Variants in LRMDA observed in about 807,000 individuals in gnomAD.
The protein encoded by LRMDA is leucine rich melanocyte differentiation associated.
LRMDA carries 18 observed loss-of-function variants against 29.8 expected under a neutral mutation model. The observed-to-expected ratio is 0.60, with a 90% CI of 0.42 to 0.90. The LOEUF is 0.90. LRMDA is among the 40% of genes least tolerant of loss of function. LRMDA has a pLI of 0.00. For synonymous variants in LRMDA, 125 were observed against 109.4 expected (o/e 1.14, Z -0.89); for missense variants, 273 against 273.9 (o/e 1.00, Z 0.02).
chr10:76,415,624 G>A (rs10669188), intron 6 of LRMDA, among the ~76,000 whole-genome samples: 2 of 134,270 alleles, frequency 1.5e-5, no homozygotes, highest in Admixed American at 7.6e-5. Flanking sequence ...GTGTGTGTGC[G>A]TGTGTGTATA....
intron 2 of LRMDA, among the ~76,000 whole-genome samples, chr10:75,553,656 A>T (rs1021501528): frequency 1.3e-5 from 2 of 151,598 alleles, no homozygotes; most frequent in African/African-American, 4.9e-5. Context: ...AAGGTTTTCT[A>T]CCCCTTCACC....
At chr10:75,898,313 C>T (rs757640072) in intron 2 of LRMDA, among the ~76,000 whole-genome samples, 1 of 152,048 alleles carries the variant, frequency 6.6e-6, no homozygotes, top group Non-Finnish European at 1.5e-5. Context: ...GATTGAAGGA[C>T]CTGGTAAGGG....
At chr10:75,697,122 C>A (rs1842244343) in intron 2 of LRMDA, among the ~76,000 whole-genome samples, 1 of 152,098 alleles carries the variant, frequency 6.6e-6, no homozygotes, top group African/African-American at 2.4e-5. Context: ...AGCAGAGTCA[C>A]CTCAAGGAGG....
At chr10:75,577,337 A>AG (rs918046221) in intron 2 of LRMDA, among the ~76,000 whole-genome samples, 1 of 152,244 alleles carries the variant, frequency 6.6e-6, no homozygotes, top group Non-Finnish European at 1.5e-5. Flanking sequence ...ACAAGATTAG[A>AG]GAAAAAAAGA....
intron 2 of LRMDA, among the ~76,000 whole-genome samples, chr10:75,849,982 C>T (rs1320785829): frequency 6.6e-6 from 1 of 152,060 alleles, no homozygotes; most frequent in East Asian, 1.9e-4. Context: ...CTTGTGGTAG[C>T]ATATAAATTG....
intron 2 of LRMDA, among the ~76,000 whole-genome samples, chr10:75,445,511 G>A (rs1844382146): frequency 6.6e-6 from 1 of 152,162 alleles, no homozygotes; most frequent in Non-Finnish European, 1.5e-5. Flanking sequence ...ATTCTTCCTT[G>A]AGCTTGCTCA....
intron 2 of LRMDA, among the ~76,000 whole-genome samples, chr10:75,442,106 A>G (rs1199457551): frequency 2.6e-5 from 4 of 152,212 alleles, no homozygotes; most frequent in Non-Finnish European, 5.9e-5. Flanking sequence ...ATACTAACAT[A>G]TGATTTTTAA....
Position 76,036,030 on chromosome 10 carries a change from T to A in LRMDA, c.154T>A (p.Phe52Ile), listed in dbSNP as rs1425475161. 7 of 1,613,966 alleles carry A rather than the reference T, an allele frequency of 4.3e-6. No homozygotes were observed. The highest frequency in any genetic ancestry group is 5.9e-6 in the Non-Finnish European group (7 of 1,180,028). Residue 52 changes from phenylalanine (F) to isoleucine (I), a missense_variant, in exon 3 of 7, where the codon TTC (phenylalanine) becomes ATC (isoleucine). Phe to Ile is a conservative substitution (Grantham distance 21, BLOSUM62 0). Coordinates refer to ENST00000611255, the MANE Select transcript of LRMDA (RefSeq NM_001305581.2). ...CAGGTCACTGGAAGGACTGAGCGCA[T>A]TCAGGAGCCTGGAGGAACTCATCTT... ...LLRSLEGLSA[F>I]RSLEELILDN...
At chr10:75,510,554 G>A (rs1216276110) in intron 2 of LRMDA, among the ~76,000 whole-genome samples, 3 of 152,226 alleles carry the variant, frequency 2.0e-5, no homozygotes, top group African/African-American at 7.2e-5. Context: ...GCTTCTTGGG[G>A]GAAGAAATAT....
intron 6 of LRMDA, among the ~76,000 whole-genome samples, chr10:76,414,280 A>G (rs932484761): frequency 6.6e-6 from 1 of 152,232 alleles, no homozygotes; most frequent in Non-Finnish European, 1.5e-5. Flanking sequence ...TATTTATGAG[A>G]AAAATTACAT....
At chr10:76,011,923 G>T (rs1847789488) in intron 2 of LRMDA, among the ~76,000 whole-genome samples, 1 of 152,206 alleles carries the variant, frequency 6.6e-6, no homozygotes, top group African/African-American at 2.4e-5. Context: ...GGCAAGCCAT[G>T]CTGGATAGTG....
At chr10:76,376,378 T>G (rs764505557) in intron 6 of LRMDA, among the ~76,000 whole-genome samples, 5 of 152,052 alleles carry the variant, frequency 3.3e-5, no homozygotes, top group Admixed American at 6.6e-5. Flanking sequence ...ATATCATGCC[T>G]CTCTATCTAC....
chr10:75,521,451 A>G (rs1845356875), intron 2 of LRMDA, among the ~76,000 whole-genome samples: 2 of 152,224 alleles, frequency 1.3e-5, no homozygotes, highest in South Asian at 4.1e-4. Context: ...GCAGCCTCGC[A>G]GGTCGATCTC....
chr10:75,599,426 C>T (rs184787057), intron 2 of LRMDA, among the ~76,000 whole-genome samples: 35 of 152,280 alleles, frequency 2.3e-4, no homozygotes, highest in Admixed American at 2.1e-3. Flanking sequence ...ATCAAACAGC[C>T]GCCAAGCTGG....
chr10:76,145,618 T>C (rs969990622), intron 5 of LRMDA, among the ~76,000 whole-genome samples: 42 of 152,350 alleles, frequency 2.8e-4, no homozygotes, highest in African/African-American at 9.1e-4. Flanking sequence ...TCTATCAGTT[T>C]TGTTGATCTT....
At chr10:75,981,669 T>C (rs538112155) in intron 2 of LRMDA, among the ~76,000 whole-genome samples, 11 of 152,070 alleles carry the variant, frequency 7.2e-5, no homozygotes, top group Middle Eastern at 3.4e-3. Context: ...CTGGCCAACT[T>C]GGTGAAACCC....
intron 5 of LRMDA, among the ~76,000 whole-genome samples, chr10:76,322,085 T>A (rs1840778246): frequency 6.6e-6 from 1 of 152,228 alleles, no homozygotes; most frequent in Non-Finnish European, 1.5e-5. Flanking sequence ...ATTATTTAAA[T>A]TTTCTATTAC....
At chr10:76,181,437 C>T (rs761445535) in intron 5 of LRMDA, among the ~76,000 whole-genome samples, 6 of 152,298 alleles carry the variant, frequency 3.9e-5, no homozygotes, top group Non-Finnish European at 2.9e-5. Context: ...ATATCCCGTC[C>T]GAGTTGCTCA....
intron 5 of LRMDA, among the ~76,000 whole-genome samples, chr10:76,072,744 G>A (rs1173463246): frequency 6.6e-6 from 1 of 152,224 alleles, no homozygotes; most frequent in Admixed American, 6.5e-5. Context: ...GAGATGAAAG[G>A]GAGGTGTGCA....
Sources: gnomAD v4.1 joint callset for allele counts (sites outside exome capture counted in the v4.1 genomes callset) on GRCh38, gnomAD v4.1.1 for gene constraint, MANE v1.5 for transcripts, NCBI Gene and HGNC (gene_info 2026-07-23, HGNC 2026-07-21) for gene names.